KCNK17: variants seen among roughly 807,000 people sequenced by gnomAD.
KCNK17 encodes potassium two pore domain channel subfamily K member 17, also known as potassium channel subfamily K member 17.
In KCNK17, 27 loss-of-function variants were observed where a neutral mutation model predicts 24.6. That is an observed-to-expected ratio of 1.10 (90% CI 0.81 to 1.51). The LOEUF (loss-of-function observed/expected upper bound fraction) is 1.51, where lower values mean the gene tolerates loss of function less well. Ranked by LOEUF, KCNK17 falls within the 40% of genes most tolerant of loss-of-function variation. KCNK17 has a pLI of 0.00. For synonymous variants in KCNK17, 181 were observed against 189.8 expected (o/e 0.95, Z 0.38); for missense variants, 450 against 436.6 (o/e 1.03, Z -0.27).
chr6:39,300,581 G>C (rs578067792), intron 4 of KCNK17: 6 of 1,513,928 alleles, frequency 4.0e-6, no homozygotes, highest in Non-Finnish European at 3.6e-6. Flanking sequence ...ATCCTGACTC[G>C]GTTCTTCAGC....
intron 1 of KCNK17, among the ~76,000 whole-genome samples, chr6:39,312,921 A>G (rs944811598): frequency 6.6e-5 from 10 of 152,152 alleles, no homozygotes; most frequent in African/African-American, 2.4e-4. Context: ...TCCTGACCTC[A>G]CCGAATCGGC....
At chr6:39,312,694 C>T (rs1762162838) in intron 1 of KCNK17, among the ~76,000 whole-genome samples, 2 of 152,234 alleles carry the variant, frequency 1.3e-5, no homozygotes, top group Admixed American at 1.3e-4. Flanking sequence ...ACGATAAGTG[C>T]TGCACAGAGG....
intron 4 of KCNK17, among the ~76,000 whole-genome samples, chr6:39,301,494 G>A (rs1028212803): frequency 6.6e-6 from 1 of 152,252 alleles, no homozygotes; most frequent in African/African-American, 2.4e-5. Flanking sequence ...GGCTGATTGG[G>A]TTATGGGGCT....
chr6:39,312,403 A>G (rs935513045), intron 1 of KCNK17, among the ~76,000 whole-genome samples: 3 of 152,120 alleles, frequency 2.0e-5, no homozygotes, highest in African/African-American at 4.8e-5. Flanking sequence ...GTTGAAGGGA[A>G]AGCCCAAAGA....
intron 2 of KCNK17, among the ~76,000 whole-genome samples, chr6:39,307,218 A>G (rs1302614452): frequency 1.3e-5 from 2 of 152,166 alleles, no homozygotes; most frequent in African/African-American, 2.4e-5. Flanking sequence ...TACACTGTAG[A>G]AGGGAATGTG....
Position 39,299,261 on chromosome 6 carries a change from C to T in KCNK17, c.*166G>A, listed in dbSNP as rs1463677083. 5.0e-6 allele frequency: 3 copies of T among 602,922 alleles called. No homozygotes were observed. The highest frequency in any genetic ancestry group is 8.7e-6 in the Non-Finnish European group (3 of 346,074). 37.3% of individuals were successfully genotyped at this position (602,922 alleles called of 1,614,324 possible). On this transcript the variant is annotated 3_prime_UTR_variant, in exon 5 of 5. Coordinates refer to ENST00000373231, the MANE Select transcript of KCNK17 (RefSeq NM_031460.4). ...GACACCCGAAAGTCACATCCCATGTCACCCAGGACATGTCTCTGTATACCC... is the reference window on the plus strand; with the variant it reads ...GACACCCGAAAGTCACATCCCATGTTACCCAGGACATGTCTCTGTATACCC...
chr6:39,304,367 C>T (rs1761998236), intron 3 of KCNK17, 128 bp downstream of exon 3: 4 of 905,322 alleles, frequency 4.4e-6, no homozygotes, highest in Non-Finnish European at 6.8e-6. Flanking sequence ...TGAGCAGTGA[C>T]CCCCAATCCC....
At chr6:39,312,874 T>C (rs1583774334) in intron 1 of KCNK17, among the ~76,000 whole-genome samples, 1 of 152,156 alleles carries the variant, frequency 6.6e-6, no homozygotes, top group Non-Finnish European at 1.5e-5. Flanking sequence ...GGAATCACTT[T>C]AGGTCCTTAG....
At chr6:39,299,851 G>A (rs568548312) in intron 4 of KCNK17, 114 bp from the exon 5 acceptor site, 446 of 1,102,324 alleles carry the variant, frequency 4.0e-4, no homozygotes, top group Non-Finnish European at 4.9e-4. Flanking sequence ...GGTGCCAATG[G>A]GACAGAACAT....
At position 39,304,560 on chromosome 6, in the gene KCNK17, G is replaced by C; in HGVS notation, c.448C>G (p.Arg150Gly). 2 of 1,614,146 alleles carry C rather than the reference G, an allele frequency of 1.2e-6. No homozygotes were observed. Among genetic ancestry groups the C allele is most frequent in the Non-Finnish European group, 1.7e-6 (2 of 1,179,996 alleles). ...GIPLNLVVLN[R>G]LGHLMQQGVN... ...CCCTGCTGCATGAGATGCCCCAGTC[G>C]GTTGAGCACCACGAGGTTGAGTGGG... is the stretch of plus-strand genomic sequence containing the variant. The change falls in exon 3 of 5, where the codon CGA becomes GGA. Residue 150 changes from arginine to glycine, a missense_variant. Transcript: ENST00000373231.
In KCNK17 at chr6:39,303,943, C is replaced by T; in HGVS notation, c.688+14G>A. 2.5e-6 allele frequency: 4 copies of T among 1,609,640 alleles called. 1 individual carries two copies. In the South Asian group the frequency reaches 4.4e-5, roughly 18 times the overall value. On this transcript the variant is annotated intron_variant, in intron 4 of 4. Coordinates refer to ENST00000373231, the MANE Select transcript of KCNK17 (RefSeq NM_031460.4). The stretch of plus-strand genomic sequence containing the variant: ...CCGAATGTCCCCGCCAGCCCAACCG[C>T]CAGGAACTCTCACCAATCACGTAGT...
rs1254642390 is a variant in KCNK17, at chr6:39,299,132, C to T, written c.*295G>A. 3.2e-5 allele frequency: 13 copies of T among 406,054 alleles called. No individual in the cohort carries two copies. Among genetic ancestry groups the T allele is most frequent in the African/African-American group, 9.9e-5 (5 of 50,282 alleles). The allele number at this position is 406,054 out of a possible 1,614,324, so 25.2% of individuals were successfully genotyped here. A position where few individuals can be genotyped will look rare whatever the true frequency, so the allele number is the denominator to read the frequency against. ...TCTTATTGTGCCGCTCAAACATTGC[C>T]GCTACTTCATGGTGCCGTATGGCTG... On this transcript the variant is annotated 3_prime_UTR_variant, in exon 5 of 5. Transcript: ENST00000373231.
intron 1 of KCNK17, among the ~76,000 whole-genome samples, chr6:39,313,139 AC>A (rs1166102361): frequency 6.6e-6 from 1 of 152,200 alleles, no homozygotes; most frequent in African/African-American, 2.4e-5. Flanking sequence ...CCAAGCCAGG[AC>A]CCAGGACATC....
rs1562079584 is a variant in KCNK17 at position 39,299,753 on chromosome 6, G to A, written c.689-16C>T. 6.2e-7 allele frequency: 1 copy of A among 1,606,820 alleles called. No homozygotes were observed. Among genetic ancestry groups the A allele is most frequent in the Non-Finnish European group, 8.5e-7 (1 of 1,175,244 alleles). ...GGGTTCATTCCTGGGGAAGAGGCAA[G>A]GTCAGACGATGGAGGCCTGGGAAAG... On this transcript the variant is annotated splice_polypyrimidine_tract_variant and intron_variant, in intron 4 of 4. Transcript: ENST00000373231.
At chr6:39,312,271 C>T (rs1583773476) in intron 1 of KCNK17, among the ~76,000 whole-genome samples, 1 of 152,064 alleles carries the variant, frequency 6.6e-6, no homozygotes, top group East Asian at 1.9e-4. Flanking sequence ...TGAGGAATTT[C>T]AGAAGTTGCA....
chr6:39,314,099 C>A lies in KCNK17; in HGVS notation c.222G>T (p.Leu74=). The change falls in exon 1 of 5, where the codon CTG becomes CTT. Residue 74 remains leucine, a synonymous_variant. Transcript: ENST00000373231. ...CGCCCCTGACCCGGATCAGCGAGTC[C>A]AGCGCCGGGCGGTCCAGACACGTGA... The part of the protein sequence containing the change: ...QNFTCLDRPA[L]DSLIRDVVQA... The A allele has an allele frequency of 6.3e-7, 1 of 1,585,670 alleles. No homozygotes were observed. The highest frequency in any genetic ancestry group is 1.4e-5 in the African/African-American group (1 of 73,772).
intron 3 of KCNK17, 136 bp from the exon 4 acceptor site, chr6:39,304,267 T>C: frequency 1.1e-6 from 1 of 905,240 alleles, no homozygotes; most frequent in South Asian, 1.6e-5. Context: ...CCAGGTTCCC[T>C]GCCTGGAGCC....
At chr6:39,303,889 G>A (rs1761985940) in intron 4 of KCNK17, 68 bp downstream of exon 4, 10 of 1,538,128 alleles carry the variant, frequency 6.5e-6, no homozygotes, top group African/African-American at 2.7e-5. Flanking sequence ...CGCCAGCTGC[G>A]GGAGCAGATG....
Position 39,304,056 on chromosome 6 carries a change from G to A in KCNK17, c.589C>T (p.Pro197Ser). Residue 197 changes from proline (P) to serine (S), a missense_variant, in exon 4 of 5, where the codon CCG becomes TCG. Pro to Ser is a moderately conservative substitution (Grantham distance 74). Transcript: ENST00000373231. ...SGLLLFLLLP[P>S]LLFSHMEGWS... ...CCCTCCATGTGGGAGAAGAGCAGCGGTGGCAGCAGCAGGAAGAGCAGGAGG... is the reference window on the plus strand; with the variant it reads ...CCCTCCATGTGGGAGAAGAGCAGCGATGGCAGCAGCAGGAAGAGCAGGAGG... The A allele has an allele frequency of 6.2e-7, 1 of 1,613,730 alleles. No individual in the cohort carries two copies. Among genetic ancestry groups the A allele is most frequent in the Non-Finnish European group, 8.5e-7 (1 of 1,180,006 alleles).
Sources: allele counts gnomAD v4.1 joint callset (sites outside exome capture counted in the v4.1 genomes callset), GRCh38; gene constraint gnomAD v4.1.1; transcripts MANE v1.5; gene names NCBI Gene and HGNC (gene_info 2026-07-23, HGNC 2026-07-21).